KIDINS220: variants seen among roughly 807,000 people sequenced by gnomAD.
KIDINS220 encodes the protein kinase D interacting substrate 220.
KIDINS220 carries 63 observed loss-of-function variants against 157.6 expected under a neutral mutation model. The observed-to-expected ratio is 0.40, with a 90% confidence interval of 0.33 to 0.49. The LOEUF (loss-of-function observed/expected upper bound fraction) is 0.49. Among genes scored for constraint, KIDINS220 ranks in the 20% least tolerant of loss-of-function variants. The probability of loss-of-function intolerance (pLI) is 0.66; values close to 1 mark genes in which losing one functional copy is unlikely to be tolerated. For synonymous variants in KIDINS220, 732 were observed against 783.6 expected, an observed-to-expected ratio of 0.93 and a Z score of 1.10; for missense variants, 1,772 against 2,171.2, an observed-to-expected ratio of 0.82 and a Z score of 3.65.
intron 22 of KIDINS220, among the ~76,000 whole-genome samples, chr2:8,765,108 A>G (rs1669294765): frequency 6.6e-6 from 1 of 152,164 alleles, no homozygotes; most frequent in South Asian, 2.1e-4. Flanking sequence ...CAAAGAGAAG[A>G]GCACATGAAA....
chr2:8,729,377 G>T lies in KIDINS220; in HGVS notation c.*1343C>A, dbSNP rs1334787686. ...TGAATCTAGATAATAGCGCATCTGC[G>T]ATCTCACCATCTACCGTCCTAACTG... On this transcript the variant is annotated 3_prime_UTR_variant, in exon 30 of 30. Transcript: ENST00000256707. 1.0e-6 allele frequency: 1 copy of T among 985,294 alleles called. No individual in the cohort carries two copies. The highest frequency in any genetic ancestry group is 1.1e-4 in the East Asian group (1 of 8,830). 61.0% of individuals were successfully genotyped at this position (985,294 alleles called of 1,614,324 possible). A position where few individuals can be genotyped will look rare whatever the true frequency, so the allele number is the denominator to read the frequency against.
At chr2:8,834,421 C>T (rs1680098998) in intron 1 of KIDINS220, among the ~76,000 whole-genome samples, 1 of 151,766 alleles carries the variant, frequency 6.6e-6, no homozygotes, top group African/African-American at 2.4e-5. Context: ...CTTCTCTGAC[C>T]ACCGTGTATA....
chr2:8,821,253 A>C (rs1406602355), intron 2 of KIDINS220, among the ~76,000 whole-genome samples: 2 of 152,154 alleles, frequency 1.3e-5, no homozygotes, highest in East Asian at 3.9e-4. Flanking sequence ...ATGAAAGATT[A>C]GAATTGTCAT....
At chr2:8,741,806 A>G (rs1285282503) in intron 26 of KIDINS220, among the ~76,000 whole-genome samples, 1 of 152,220 alleles carries the variant, frequency 6.6e-6, no homozygotes, top group Non-Finnish European at 1.5e-5. Flanking sequence ...GGAAGTGAAG[A>G]CAATTTTTCA....
At chr2:8,830,813 T>A (rs1242009265) in intron 1 of KIDINS220, among the ~76,000 whole-genome samples, 1 of 152,168 alleles carries the variant, frequency 6.6e-6, no homozygotes, top group Non-Finnish European at 1.5e-5. Context: ...CCAGGCTGGA[T>A]CTGTTGCACA....
At chr2:8,830,932 CT>C (rs1181571121) in intron 1 of KIDINS220, among the ~76,000 whole-genome samples, 1 of 152,128 alleles carries the variant, frequency 6.6e-6, no homozygotes, top group Non-Finnish European at 1.5e-5. Context: ...GGCATCAATC[CT>C]AAAAACTTCT....
intron 2 of KIDINS220, among the ~76,000 whole-genome samples, chr2:8,823,986 CAT>C (rs1678387061): frequency 6.7e-6 from 1 of 148,600 alleles, no homozygotes; most frequent in African/African-American, 2.5e-5. Context: ...AAAAAAAAAA[CAT>C]AGAGCTTACA....
chr2:8,729,341 A>C lies in KIDINS220; in HGVS notation c.*1379T>G. The C allele has an allele frequency of 4.1e-6, 4 of 985,504 alleles. No homozygotes were observed. Among genetic ancestry groups the C allele is most frequent in the Non-Finnish European group, 4.8e-6 (4 of 829,938 alleles). 61.0% of individuals were successfully genotyped at this position (985,504 alleles called of 1,614,324 possible). A position where few individuals can be genotyped will look rare whatever the true frequency, so the allele number is the denominator to read the frequency against. ...AAACCCACTGAGTGATAAACATCGA[A>C]AATGTAACACTGAATCTAGATAATA... On this transcript the variant is annotated 3_prime_UTR_variant, in exon 30 of 30. Coordinates refer to ENST00000256707, the MANE Select transcript of KIDINS220 (RefSeq NM_020738.4).
At chr2:8,831,742 A>C (rs1453049007) in intron 1 of KIDINS220, among the ~76,000 whole-genome samples, 2 of 152,238 alleles carry the variant, frequency 1.3e-5, no homozygotes, top group Non-Finnish European at 2.9e-5. Flanking sequence ...AGAGAAAAGC[A>C]GCCCCTGACT....
intron 26 of KIDINS220, among the ~76,000 whole-genome samples, chr2:8,745,782 G>C (rs1187060674): frequency 6.6e-6 from 1 of 152,166 alleles, no homozygotes; most frequent in East Asian, 1.9e-4. Context: ...CTGAGCAAAA[G>C]AGCGAAACTC....
chr2:8,726,977 T>C, downstream of KIDINS220: 10 of 1,250,816 alleles, frequency 8.0e-6, no homozygotes, highest in South Asian at 1.2e-5. Flanking sequence ...TATGTAAGAT[T>C]GTAAATTCTC....
At chr2:8,725,232 AAC>A, downstream of KIDINS220, 1 of 152,352 alleles carries the variant, frequency 6.6e-6, no homozygotes, top group East Asian at 1.9e-4. Flanking sequence ...AATTCTCACA[AAC>A]ACAGCTTTAA....
At chr2:8,812,838 G>A (rs1391733290) in intron 5 of KIDINS220, among the ~76,000 whole-genome samples, 1 of 152,068 alleles carries the variant, frequency 6.6e-6, no homozygotes, top group African/African-American at 2.4e-5. Flanking sequence ...ATACTAGTAA[G>A]AAGAAAGCAA....
chr2:8,776,253 C>A (rs1246663495), intron 21 of KIDINS220, among the ~76,000 whole-genome samples: 1 of 152,078 alleles, frequency 6.6e-6, no homozygotes, highest in Non-Finnish European at 1.5e-5. Flanking sequence ...ATTTTACAAA[C>A]TAAATTACAA....
At chr2:8,814,628 G>A (rs1474272598) in intron 4 of KIDINS220, among the ~76,000 whole-genome samples, 1 of 152,198 alleles carries the variant, frequency 6.6e-6, no homozygotes, top group Non-Finnish European at 1.5e-5. Flanking sequence ...AGTAACTGCT[G>A]CAAGTAAGAT....
rs541446973 is a variant in KIDINS220, at chr2:8,731,620, G to A, written c.4416C>T (p.Pro1472=). The A allele has an allele frequency of 5.0e-6, 8 of 1,614,142 alleles. No individual in the cohort carries two copies. The highest frequency in any genetic ancestry group is 6.8e-6 in the Non-Finnish European group (8 of 1,180,022). The change falls in exon 30 of 30, where the codon CCC becomes CCT. Residue 1472 remains proline, a synonymous_variant. Transcript: ENST00000256707. The surrounding 1 kb of genome is among the most constrained non-coding windows in gnomAD (Gnocchi z 5.2). ...SSGVSTNDAS[P]LDPITEEDEK... is the part of the protein sequence containing the mutation. ...CATCTTCTTCAGTGATAGGATCCAGGGGGGAAGCATCGTTGGTGGAAACCC... is the reference window on the plus strand; with the variant it reads ...CATCTTCTTCAGTGATAGGATCCAGAGGGGAAGCATCGTTGGTGGAAACCC...
At chr2:8,758,700 C>T (rs1668362326) in intron 22 of KIDINS220, among the ~76,000 whole-genome samples, 1 of 151,958 alleles carries the variant, frequency 6.6e-6, no homozygotes, top group Admixed American at 6.6e-5. Flanking sequence ...GCATTTACAG[C>T]CATAAATTTC....
At chr2:8,800,577 T>C (rs1572710383) in intron 8 of KIDINS220, 79 bp from the exon 9 acceptor site, 2 of 1,006,688 alleles carry the variant, frequency 2.0e-6, no homozygotes, top group Non-Finnish European at 2.9e-6. Flanking sequence ...CAGTTAATCA[T>C]GTTTTCATAT....
At chr2:8,735,582 TAATTCTAGTTTCCCCTAAATGAAACAAC>T (rs1664750908) in intron 27 of KIDINS220, among the ~76,000 whole-genome samples, 1 of 152,330 alleles carries the variant, frequency 6.6e-6, no homozygotes, top group Non-Finnish European at 1.5e-5. Flanking sequence ...TGGTTCCCTG[TAATTCTAGTTTCCCCTAAATGAAACAAC>T]AGCATTTTCT....
Sources: allele counts gnomAD v4.1 joint callset (sites outside exome capture counted in the v4.1 genomes callset), GRCh38; gene constraint gnomAD v4.1.1; non-coding constraint Gnocchi (gnomAD v3.1); transcripts MANE v1.5; gene names NCBI Gene and HGNC (gene_info 2026-07-23, HGNC 2026-07-21).